MTUS2: variants seen among roughly 807,000 people sequenced by gnomAD.
The protein encoded by MTUS2 is microtubule-associated tumor suppressor candidate 2.
A neutral mutation model predicts 114.1 loss-of-function variants in MTUS2; 40 were observed. The ratio of observed to expected loss-of-function variants is 0.35; its 90% CI spans 0.27 to 0.46. The LOEUF (loss-of-function observed/expected upper bound fraction) is 0.46. MTUS2 is among the 20% of genes least tolerant of loss of function. The pLI, the probability that MTUS2 is intolerant of heterozygous loss-of-function variation, is 1.00. For missense variants in MTUS2, 1,679 were observed against 1,705.4 expected, an observed-to-expected ratio of 0.98 and a Z score of 0.27; for synonymous variants, 688 against 672.0, an observed-to-expected ratio of 1.02 and a Z score of -0.37.
intron 5 of MTUS2, among the ~76,000 whole-genome samples, chr13:29,200,521 G>GTTTTTTTTGT (rs1894899758): frequency 1.2e-5 from 1 of 85,432 alleles, no homozygotes; most frequent in East Asian, 3.4e-4. Flanking sequence ...TTCTTTTTCT[G>GTTTTTTTTGT]TTTTTTTTTT....
intron 8 of MTUS2, among the ~76,000 whole-genome samples, chr13:29,371,527 T>G (rs1310468803): frequency 6.6e-6 from 1 of 152,184 alleles, no homozygotes; most frequent in Non-Finnish European, 1.5e-5. Flanking sequence ...CTCTTCACAT[T>G]AACCTTTTGA....
intron 8 of MTUS2, among the ~76,000 whole-genome samples, chr13:29,432,100 A>ACCT (rs1437925031): frequency 7.2e-6 from 1 of 139,420 alleles, no homozygotes; most frequent in East Asian, 2.1e-4. Flanking sequence ...TGATCCACCC[A>ACCT]CCTCGGCCAC....
At chr13:29,031,474 G>A (rs1229352885) in intron 3 of MTUS2, among the ~76,000 whole-genome samples, 1 of 151,884 alleles carries the variant, frequency 6.6e-6, no homozygotes, top group Non-Finnish European at 1.5e-5. Flanking sequence ...GATTGTAGAG[G>A]CTGGCAAGTC....
At chr13:29,229,266 C>G (rs114434299) in intron 5 of MTUS2, among the ~76,000 whole-genome samples, 1 of 152,176 alleles carries the variant, frequency 6.6e-6, no homozygotes, top group African/African-American at 2.4e-5. Flanking sequence ...CTCTAGCTTT[C>G]GTGTAATTTC....
At chr13:29,026,932 A>G (rs375948572) in intron 3 of MTUS2, 29 bp downstream of exon 3, 8 of 1,529,826 alleles carry the variant, frequency 5.2e-6, no homozygotes, top group Middle Eastern at 1.8e-4. Flanking sequence ...GATATGGTCT[A>G]TAAGTTGACT....
chr13:29,304,132 A>G (rs1255826387), intron 6 of MTUS2, among the ~76,000 whole-genome samples: 1 of 152,190 alleles, frequency 6.6e-6, no homozygotes, highest in Non-Finnish European at 1.5e-5. Flanking sequence ...GAGCTCCCAA[A>G]GGAAGCACAA....
chr13:28,994,545 C>T (rs528114885), intron 2 of MTUS2, among the ~76,000 whole-genome samples: 329 of 152,346 alleles, frequency 2.2e-3, no homozygotes, highest in Non-Finnish European at 3.0e-3. Flanking sequence ...TATTTCTCCA[C>T]ATCCTCTCCA....
chr13:29,140,793 G>A (rs1180807345), intron 5 of MTUS2, among the ~76,000 whole-genome samples: 1 of 152,156 alleles, frequency 6.6e-6, no homozygotes, highest in Admixed American at 6.5e-5. Flanking sequence ...ATTCAAGAAG[G>A]CTTCCCTCAT....
intron 5 of MTUS2, among the ~76,000 whole-genome samples, chr13:29,145,988 C>T (rs1892418375): frequency 1.3e-5 from 2 of 152,152 alleles, no homozygotes; most frequent in South Asian, 4.1e-4. Flanking sequence ...CACTCTTACC[C>T]ATGTGCCTAC....
At chr13:29,241,787 G>A (rs1217963636) in intron 5 of MTUS2, among the ~76,000 whole-genome samples, 1 of 152,168 alleles carries the variant, frequency 6.6e-6, no homozygotes, top group Non-Finnish European at 1.5e-5. Flanking sequence ...TTATGATGGT[G>A]GAGGTTGGGC....
chr13:29,027,829 G>A (rs1029252558), intron 3 of MTUS2, among the ~76,000 whole-genome samples: 4 of 151,924 alleles, frequency 2.6e-5, no homozygotes, highest in Non-Finnish European at 4.4e-5. Flanking sequence ...GTGAGCCACC[G>A]CGCCCAGCCG....
At chr13:29,481,618 T>C (rs1424188401) in intron 10 of MTUS2, among the ~76,000 whole-genome samples, 1 of 152,124 alleles carries the variant, frequency 6.6e-6, no homozygotes, top group East Asian at 1.9e-4. Context: ...CAAATGGACA[T>C]CTCAGACGAC....
chr13:29,466,884 AAAAAAAAAAAAAG>A (rs1403614632), intron 9 of MTUS2, among the ~76,000 whole-genome samples: 1 of 151,744 alleles, frequency 6.6e-6, no homozygotes, highest in Non-Finnish European at 1.5e-5. Flanking sequence ...CTCAAAAAAA[AAAAAAAAAAAAAG>A]AAAAGAAAGA....
chr13:29,176,853 C>T (rs921482409), intron 5 of MTUS2, among the ~76,000 whole-genome samples: 1 of 151,352 alleles, frequency 6.6e-6, no homozygotes, highest in African/African-American at 2.5e-5. Context: ...GGCACAGCAG[C>T]CTCCCTGCAT....
intron 2 of MTUS2, among the ~76,000 whole-genome samples, chr13:28,956,679 A>T (rs549887865): frequency 1.4e-4 from 21 of 152,278 alleles, no homozygotes; most frequent in African/African-American, 5.1e-4. Context: ...TGTAACTTGG[A>T]GGATTAAAGG....
chr13:28,832,663 G>T (rs974114157), intron 1 of MTUS2, among the ~76,000 whole-genome samples: 1 of 146,956 alleles, frequency 6.8e-6, no homozygotes, highest in African/African-American at 2.5e-5. Context: ...TATTAAAATT[G>T]TATATATTTA....
intron 9 of MTUS2, among the ~76,000 whole-genome samples, chr13:29,478,523 A>G (rs1189304234): frequency 6.6e-6 from 1 of 152,216 alleles, no homozygotes; most frequent in Non-Finnish European, 1.5e-5. Flanking sequence ...CACTGTAGCA[A>G]TTGTTCAGAA....
intron 8 of MTUS2, among the ~76,000 whole-genome samples, chr13:29,426,853 C>T (rs183530523): frequency 2.0e-5 from 3 of 152,320 alleles, no homozygotes; most frequent in Admixed American, 2.0e-4. Context: ...GGTGGATGTT[C>T]TGGTTGCTTC....
chr13:28,828,105 G>C (rs191760585), intron 1 of MTUS2, among the ~76,000 whole-genome samples: 2 of 152,268 alleles, frequency 1.3e-5, no homozygotes, highest in African/African-American at 4.8e-5. Context: ...CGTTCCCAAA[G>C]TGGCCATTTC....
Sources: allele counts gnomAD v4.1 joint callset (sites outside exome capture counted in the v4.1 genomes callset), GRCh38; gene constraint gnomAD v4.1.1; transcripts MANE v1.5; gene names NCBI Gene and HGNC (gene_info 2026-07-23, HGNC 2026-07-21).